The following TMCO6 variants were observed in gnomAD, a reference collection of about 807,000 sequenced individuals.
The protein encoded by TMCO6 is transmembrane and coiled-coil domain-containing protein 6.
Under a neutral mutation model 61.8 loss-of-function variants are expected in TMCO6, and 47 were observed. That is an observed-to-expected ratio of 0.76 (90% CI 0.60 to 0.97). The LOEUF is 0.97. Ranked by LOEUF, TMCO6 falls within the 50% of genes least tolerant of loss-of-function variation. TMCO6 has a pLI of 0.00. For missense variants in TMCO6, 557 were observed against 601.6 expected, an observed-to-expected ratio of 0.93 and a Z score of 0.78; for synonymous variants, 261 against 254.2, an observed-to-expected ratio of 1.03 and a Z score of -0.25.
chr5:140,644,107 T>C lies in TMCO6; in HGVS notation c.1113T>C (p.Ser371=). The change falls in exon 10 of 12, where the codon AGT becomes AGC. Residue 371 remains serine (S), a synonymous_variant. Coordinates refer to ENST00000394671, the MANE Select transcript of TMCO6 (RefSeq NM_018502.5). The part of the protein sequence containing the change: ...LWLLNNLTAN[S]PSFCTSLLSL... ...CTGGTACTTCTCTTCCAGCAAACAG[T>C]CCTAGTTTCTGTACCTCCTTGCTCT... 6.2e-7 allele frequency: 1 copy of C among 1,614,164 alleles called. No individual in the cohort carries two copies. Among genetic ancestry groups the C allele is most frequent in the Non-Finnish European group, 8.5e-7 (1 of 1,180,010 alleles).
the TMCO6 span, among the ~76,000 whole-genome samples, chr5:140,608,773 T>C: frequency 6.6e-6 from 1 of 152,238 alleles, no homozygotes; most frequent in Non-Finnish European, 1.5e-5. Context: ...TACTGGATGT[T>C]CTTGACAACC....
At chr5:140,627,887 C>A in the TMCO6 span, among the ~76,000 whole-genome samples, 2 of 151,308 alleles carry the variant, frequency 1.3e-5, no homozygotes, top group Admixed American at 6.6e-5. Flanking sequence ...CAGAGTGAGG[C>A]TCCATCTCAA....
the TMCO6 span, among the ~76,000 whole-genome samples, chr5:140,607,006 A>T: frequency 6.6e-6 from 1 of 151,184 alleles, no homozygotes; most frequent in Admixed American, 6.6e-5. Flanking sequence ...AAAAAATAAT[A>T]ATAATAATAA....
the TMCO6 span, among the ~76,000 whole-genome samples, chr5:140,619,583 C>T: frequency 1.3e-5 from 2 of 151,880 alleles, no homozygotes; most frequent in Non-Finnish European, 2.9e-5. Flanking sequence ...AAAACAAACA[C>T]ACAACTCTCC....
chr5:140,618,770 A>T, the TMCO6 span, among the ~76,000 whole-genome samples: 5 of 152,174 alleles, frequency 3.3e-5, no homozygotes, highest in African/African-American at 4.8e-5. Flanking sequence ...AGAAATCCAC[A>T]TGCAAAAACA....
At chr5:140,626,862 T>G in the TMCO6 span, among the ~76,000 whole-genome samples, 1 of 152,206 alleles carries the variant, frequency 6.6e-6, no homozygotes, top group African/African-American at 2.4e-5. Context: ...TATATTTTAC[T>G]GTTAAAGAGC....
Position 140,644,530 on chromosome 5 carries a change from T to G in TMCO6, c.1201-43T>G, listed in dbSNP as rs181686902. 3,087 of 1,601,290 alleles carry G rather than the reference T, an allele frequency of 1.9e-3. 61 individuals are homozygous for G. The African/African-American group carries it at 0.036, about 19-fold the overall frequency. ...TATATTTTAGCTATTGTTATGATCT[T>G]TGTGTTTCATTCTTTGTAGACTATA... is the stretch of plus-strand genomic sequence containing the variant. On this transcript the variant is annotated intron_variant, in intron 10 of 11. Coordinates refer to ENST00000394671, the MANE Select transcript of TMCO6 (RefSeq NM_018502.5).
downstream of TMCO6, chr5:140,647,216 C>G: frequency 6.6e-7 from 1 of 1,519,846 alleles, no homozygotes; most frequent in Non-Finnish European, 8.8e-7. Context: ...AACCCTTGTT[C>G]CCCTACCGGA....
At chr5:140,639,394 G>C (rs1756867593), upstream of TMCO6, 2 of 883,940 alleles carry the variant, frequency 2.3e-6, no homozygotes, top group African/African-American at 1.7e-5. Context: ...CCCTCACCCA[G>C]CACCCACCCC....
the TMCO6 span, among the ~76,000 whole-genome samples, chr5:140,624,148 C>T: frequency 1.1e-4 from 16 of 151,900 alleles, no homozygotes; most frequent in African/African-American, 1.9e-4. Flanking sequence ...GGGCAGATCA[C>T]GAGGTCAGGA....
the TMCO6 span, among the ~76,000 whole-genome samples, chr5:140,628,077 C>T: frequency 9.3e-5 from 14 of 150,420 alleles, no homozygotes; most frequent in East Asian, 1.6e-3. Flanking sequence ...GGCGCAACCT[C>T]GGCTCACCAC....
chr5:140,634,707 C>T (rs1205926767), upstream of TMCO6, among the ~76,000 whole-genome samples: 1 of 152,028 alleles, frequency 6.6e-6, no homozygotes, highest in Non-Finnish European at 1.5e-5. Context: ...GCACTCCTGA[C>T]CTCAGGTGAT....
chr5:140,625,189 C>T, the TMCO6 span, among the ~76,000 whole-genome samples: 2 of 152,104 alleles, frequency 1.3e-5, no homozygotes, highest in South Asian at 2.1e-4. Flanking sequence ...TATAAATTCC[C>T]AACGAGTCTT....
At chr5:140,637,987 C>A (rs957584595), upstream of TMCO6, among the ~76,000 whole-genome samples, 1 of 150,454 alleles carries the variant, frequency 6.6e-6, no homozygotes, top group African/African-American at 2.5e-5. Flanking sequence ...TTCTTTCTTT[C>A]TTTCTTTCTT....
the TMCO6 span, chr5:140,633,740 C>T: frequency 2.0e-5 from 3 of 152,582 alleles, no homozygotes; most frequent in African/African-American, 7.2e-5. Context: ...GAAAAATTCC[C>T]CCTTCCTTTT....
At chr5:140,631,355 G>C in the TMCO6 span, among the ~76,000 whole-genome samples, 1 of 152,152 alleles carries the variant, frequency 6.6e-6, no homozygotes, top group East Asian at 1.9e-4. Flanking sequence ...GTGTGTGAGA[G>C]AGAGAAAGAA....
the TMCO6 span, among the ~76,000 whole-genome samples, chr5:140,618,241 C>A: frequency 6.6e-6 from 1 of 152,142 alleles, no homozygotes; most frequent in Middle Eastern, 3.4e-3. Context: ...ACCAGCCTGA[C>A]CAACATGGCG....
chr5:140,641,341 G>A (rs1581460734), intron 2 of TMCO6: 1 of 275,530 alleles, frequency 3.6e-6, no homozygotes, highest in Non-Finnish European at 7.1e-6. Context: ...AATGGCTAGA[G>A]GAGTAGGTTT....
At position 140,645,186 on chromosome 5, in the gene TMCO6, G is replaced by C. The variant is rs1757325003; in HGVS notation, c.*88G>C. On this transcript the variant is annotated 3_prime_UTR_variant, in exon 12 of 12. Transcript: ENST00000394671. Reference sequence around the variant, plus strand: ...GCCTTTGGAGATTTAGGACCATAATGAGGTCTCATGTTCTCTGCTCCCACA... The same window carrying C: ...GCCTTTGGAGATTTAGGACCATAATCAGGTCTCATGTTCTCTGCTCCCACA... 1.5e-6 allele frequency: 2 copies of C among 1,341,568 alleles called. No individual in the cohort carries two copies. Among genetic ancestry groups the C allele is most frequent in the East Asian group, 4.6e-5 (2 of 43,124 alleles). 83.1% of individuals were successfully genotyped at this position (1,341,568 alleles called of 1,614,324 possible). A position where few individuals can be genotyped will look rare whatever the true frequency, so the allele number is the denominator to read the frequency against.
Sources: gnomAD v4.1 joint callset for allele counts (sites outside exome capture counted in the v4.1 genomes callset) on GRCh38, gnomAD v4.1.1 for gene constraint, MANE v1.5 for transcripts, NCBI Gene and HGNC (gene_info 2026-07-23, HGNC 2026-07-21) for gene names.